Variants in AGBL4 observed in about 807,000 individuals in gnomAD.
The protein encoded by AGBL4 is cytosolic carboxypeptidase 6.
AGBL4 carries 58 observed loss-of-function variants against 66.4 expected under a neutral mutation model. That is an observed-to-expected ratio of 0.87 (90% CI 0.71 to 1.09). AGBL4 has a LOEUF of 1.09. Ranked by LOEUF, AGBL4 falls within the 50% of genes least tolerant of loss-of-function variation. The probability of loss-of-function intolerance (pLI) is 0.00; values close to 1 mark genes in which losing one functional copy is unlikely to be tolerated. For missense variants in AGBL4, 579 were observed against 631.0 expected (o/e 0.92, Z 0.88); for synonymous variants, 234 against 222.9 (o/e 1.05, Z -0.44).
intron 6 of AGBL4, among the ~76,000 whole-genome samples, chr1:48,843,767 C>A (rs149455713): frequency 4.0e-5 from 6 of 151,626 alleles, no homozygotes; most frequent in Admixed American, 3.3e-4. Flanking sequence ...ATGAGAAAAC[C>A]GAGACTGAGA....
chr1:49,858,555 A>G (rs1264709057), intron 1 of AGBL4, among the ~76,000 whole-genome samples: 3 of 152,138 alleles, frequency 2.0e-5, no homozygotes, highest in Admixed American at 2.0e-4. Flanking sequence ...GACCACGCAA[A>G]CAATAATAAA....
chr1:49,397,564 A>G (rs1488550896), intron 3 of AGBL4, among the ~76,000 whole-genome samples: 1 of 152,216 alleles, frequency 6.6e-6, no homozygotes, highest in Non-Finnish European at 1.5e-5. Context: ...AGGTAAAATT[A>G]GTAATCCAGA....
intron 3 of AGBL4, among the ~76,000 whole-genome samples, chr1:49,345,661 C>A (rs1645621683): frequency 6.6e-6 from 1 of 152,042 alleles, no homozygotes; most frequent in African/African-American, 2.4e-5. Flanking sequence ...GTCAAGAAAA[C>A]TTTTCTTTTG....
At chr1:49,902,422 TG>T (rs1231122888) in intron 1 of AGBL4, among the ~76,000 whole-genome samples, 1 of 152,114 alleles carries the variant, frequency 6.6e-6, no homozygotes, top group East Asian at 1.9e-4. Flanking sequence ...TACAAGCATA[TG>T]AAAAAATGCT....
At chr1:49,408,317 C>T (rs1007024727) in intron 3 of AGBL4, among the ~76,000 whole-genome samples, 5 of 152,144 alleles carry the variant, frequency 3.3e-5, no homozygotes, top group Admixed American at 6.5e-5. Context: ...CAAATAAATG[C>T]TTTTAGTACA....
intron 5 of AGBL4, among the ~76,000 whole-genome samples, chr1:49,007,855 C>T (rs1375981887): frequency 1.3e-5 from 2 of 151,768 alleles, no homozygotes; most frequent in African/African-American, 4.8e-5. Flanking sequence ...CCAGGCCTGC[C>T]CTAAATGAGC....
At chr1:49,101,254 C>T (rs1447013630) in intron 4 of AGBL4, among the ~76,000 whole-genome samples, 2 of 151,582 alleles carry the variant, frequency 1.3e-5, no homozygotes, top group East Asian at 3.9e-4. Flanking sequence ...GTGGTATGAT[C>T]TTGGCTCACT....
At chr1:48,697,753 A>G (rs959595484) in intron 6 of AGBL4, among the ~76,000 whole-genome samples, 1 of 152,234 alleles carries the variant, frequency 6.6e-6, no homozygotes, top group Non-Finnish European at 1.5e-5. Flanking sequence ...GAATAAAGAT[A>G]CAGAAAGAAT....
intron 4 of AGBL4, among the ~76,000 whole-genome samples, chr1:49,174,130 G>A (rs1206041535): frequency 6.6e-6 from 1 of 151,924 alleles, no homozygotes; most frequent in Non-Finnish European, 1.5e-5. Flanking sequence ...AGAGAAGTGG[G>A]GCCACAACAA....
chr1:49,603,527 AAAATAAATAAATAAAT>A (rs59509776), intron 3 of AGBL4, among the ~76,000 whole-genome samples: 4,015 of 140,642 alleles, frequency 0.029, 76 homozygotes, highest in Non-Finnish European at 0.043. Flanking sequence ...TCCATCTCAA[AAAATAAATAAATAAAT>A]AAATAAATAA....
chr1:50,008,494 AC>A (rs777817229), intron 1 of AGBL4, among the ~76,000 whole-genome samples: 7 of 152,004 alleles, frequency 4.6e-5, no homozygotes, highest in African/African-American at 7.2e-5. Context: ...ACATACCAAA[AC>A]CTGTGGGATA....
chr1:49,622,808 CATG>C (rs973713067), intron 3 of AGBL4, among the ~76,000 whole-genome samples: 4 of 152,048 alleles, frequency 2.6e-5, no homozygotes, highest in Non-Finnish European at 4.4e-5. Flanking sequence ...CTTCAATTGC[CATG>C]ATATTTTGTG....
chr1:49,709,483 A>G (rs992629488), intron 2 of AGBL4, among the ~76,000 whole-genome samples: 1 of 152,160 alleles, frequency 6.6e-6, no homozygotes, highest in African/African-American at 2.4e-5. Context: ...AGAATCTAGG[A>G]AATACCATTC....
intron 11 of AGBL4, among the ~76,000 whole-genome samples, chr1:48,561,059 A>G (rs905906165): frequency 2.6e-5 from 4 of 152,230 alleles, no homozygotes; most frequent in Admixed American, 6.5e-5. Context: ...TATCATCCAT[A>G]TCTTTGCCCA....
At chr1:48,668,385 C>A (rs899991041) in intron 6 of AGBL4, among the ~76,000 whole-genome samples, 3 of 151,286 alleles carry the variant, frequency 2.0e-5, no homozygotes, top group African/African-American at 7.3e-5. Context: ...TAAAACCCTT[C>A]AGCAGTGCTC....
chr1:49,328,498 A>C (rs1645268737), intron 3 of AGBL4, among the ~76,000 whole-genome samples: 1 of 152,208 alleles, frequency 6.6e-6, no homozygotes, highest in Admixed American at 6.5e-5. Flanking sequence ...AATGGGGTCT[A>C]GTCCTCTCTT....
At chr1:49,506,354 A>G (rs1036961120) in intron 3 of AGBL4, among the ~76,000 whole-genome samples, 1 of 152,068 alleles carries the variant, frequency 6.6e-6, no homozygotes, top group Non-Finnish European at 1.5e-5. Flanking sequence ...ACATGTTGAT[A>G]TGGTTTGGCT....
intron 2 of AGBL4, among the ~76,000 whole-genome samples, chr1:49,833,152 T>A (rs1645744626): frequency 6.6e-6 from 1 of 152,326 alleles, no homozygotes; most frequent in African/African-American, 2.4e-5. Flanking sequence ...CTTTAATCCA[T>A]CTTGAATTAA....
chr1:49,232,105 C>T (rs1486851634), intron 4 of AGBL4, among the ~76,000 whole-genome samples: 1 of 152,062 alleles, frequency 6.6e-6, no homozygotes, highest in Non-Finnish European at 1.5e-5. Flanking sequence ...CTAATGCATA[C>T]AGGTTTCCAC....
Sources: gnomAD v4.1 joint callset for allele counts (sites outside exome capture counted in the v4.1 genomes callset) on GRCh38, gnomAD v4.1.1 for gene constraint, MANE v1.5 for transcripts, NCBI Gene and HGNC (gene_info 2026-07-23, HGNC 2026-07-21) for gene names.